The following LRP2 variants were observed in gnomAD, a reference collection of about 807,000 sequenced individuals.
LRP2 encodes the protein LDL receptor related protein 2.
A neutral mutation model predicts 531.0 loss-of-function variants in LRP2; 172 were observed. The observed-to-expected ratio is 0.32, with a 90% confidence interval of 0.29 to 0.37. The LOEUF (loss-of-function observed/expected upper bound fraction) is 0.37, where lower values mean the gene tolerates loss of function less well. LRP2 is among the 10% of genes least tolerant of loss of function. LRP2 has a pLI of 1.00. For missense variants in LRP2, 5,167 were observed against 5,868.3 expected, an observed-to-expected ratio of 0.88 and a Z score of 3.90; for synonymous variants, 1,992 against 2,027.6, an observed-to-expected ratio of 0.98 and a Z score of 0.47.
chr2:169,247,725 T>C (rs1458143692), intron 19 of LRP2, among the ~76,000 whole-genome samples: 1 of 152,210 alleles, frequency 6.6e-6, no homozygotes, highest in African/African-American at 2.4e-5. Context: ...ATATCAGGGT[T>C]CAGGTTCAGG....
intron 1 of LRP2, among the ~76,000 whole-genome samples, chr2:169,327,280 C>A (rs1474649857): frequency 1.8e-5 from 2 of 110,872 alleles, no homozygotes; most frequent in African/African-American, 6.5e-5. Context: ...GTCAGCCCCC[C>A]GCCCGGCCAG....
chr2:169,146,742 C>T lies in LRP2; in HGVS notation c.12808G>A (p.Glu4270Lys). 6.2e-7 allele frequency: 1 copy of T among 1,609,390 alleles called. No homozygotes were observed. Among genetic ancestry groups the T allele is most frequent in the Non-Finnish European group, 8.5e-7 (1 of 1,175,704 alleles). ...DGTDRRVIAK[E>K]AMNPYSLDIF... The stretch of plus-strand genomic sequence containing the variant: ...TACTTTCTAACTAATTTCTAACCTT[C>T]CTTTGCAATGACTCTCCTATCAGTC... Residue 4270 changes from glutamate to lysine, a missense_variant, in exon 69 of 79, where the codon GAA becomes AAA. Glu to Lys is a moderately conservative substitution (Grantham distance 56, BLOSUM62 1). Coordinates refer to ENST00000649046, the MANE Select transcript of LRP2 (RefSeq NM_004525.3).
chr2:169,302,644 T>C (rs560326652), intron 4 of LRP2, among the ~76,000 whole-genome samples: 30 of 152,100 alleles, frequency 2.0e-4, no homozygotes, highest in African/African-American at 6.7e-4. Flanking sequence ...TAGCTACTAA[T>C]TGCCAAGAAA....
Position 169,213,693 on chromosome 2 carries a change from G to A in LRP2, c.6004C>T (p.Pro2002Ser), listed in dbSNP as rs1335599351. 6 of 1,613,450 alleles carry A rather than the reference G, an allele frequency of 3.7e-6. No homozygotes were observed. The highest frequency in any genetic ancestry group is 5.1e-6 in the Non-Finnish European group (6 of 1,179,798). The change falls in exon 36 of 79, where the codon CCA becomes TCA. Residue 2002 changes from proline (P) to serine (S), a missense_variant. By Grantham distance (74) the Pro-to-Ser change is moderately conservative (BLOSUM62 -1). Coordinates refer to ENST00000649046, the MANE Select transcript of LRP2 (RefSeq NM_004525.3). Reference protein sequence around the residue: ...ANKIVLRDNVPNLRGLQVYHR... With the variant: ...ANKIVLRDNVSNLRGLQVYHR... ...TAAACTTGAAGACCCCTCAGATTTG[G>A]AACATTATCTCTCAAGACTATTTTG...
chr2:169,257,154 C>G lies in LRP2; in HGVS notation c.2609G>C (p.Gly870Ala). 2 of 1,612,920 alleles carry G rather than the reference C, an allele frequency of 1.2e-6. No homozygotes were observed. The highest frequency in any genetic ancestry group is 1.7e-6 in the Non-Finnish European group (2 of 1,179,200). The change falls in exon 18 of 79, where the codon GGA (glycine) becomes GCA (alanine). Residue 870 changes from glycine (G) to alanine (A), a missense_variant. By Grantham distance (60) the Gly-to-Ala change is moderately conservative. This residue lies in a region of LRP2 where 2,811 missense variants were observed against 3,058.0 expected (regional missense o/e 0.92). Transcript: ENST00000649046. ...ATCGATGGCCAAGCCATTGGGCCAT[C>G]CAAGAGTAGTGTTTATTACAGGCAA... ...HLLPVINTTL[G>A]WPNGLAIDWA...
Position 169,181,439 on chromosome 2 carries a change from T to C in LRP2, c.10169+9A>G, listed in dbSNP as rs1687426934. 6.2e-7 allele frequency: 1 copy of C among 1,613,198 alleles called. No homozygotes were observed. The stretch of plus-strand genomic sequence containing the variant: ...TACACAATTGTTTTATGCTTTTCTA[T>C]GTACGTACTCTATGTAACCCAGGTG... On this transcript the variant is annotated intron_variant, in intron 52 of 78. Coordinates refer to ENST00000649046, the MANE Select transcript of LRP2 (RefSeq NM_004525.3).
rs368093390 is a variant in LRP2, at chr2:169,279,707, AT to A, written c.1342-113del. ...GAAGTGCTAAAAATCTAAATTCTCA[AT>A]TTTCAGAAATTTCATGCAAGTTATC... On this transcript the variant is annotated intron_variant, in intron 11 of 78. Coordinates refer to ENST00000649046, the MANE Select transcript of LRP2 (RefSeq NM_004525.3). 2.6e-3 allele frequency: 1,747 copies of A among 663,818 alleles called. 24 individuals are homozygous for A. The African/African-American group carries it at 0.029, about 11-fold the overall frequency. The allele number at this position is 663,818 out of a possible 1,614,324, so 41.1% of individuals were successfully genotyped here. A position where few individuals can be genotyped will look rare whatever the true frequency, so the allele number is the denominator to read the frequency against.
intron 45 of LRP2, among the ~76,000 whole-genome samples, chr2:169,198,300 G>C (rs1688073366): frequency 6.6e-6 from 1 of 152,100 alleles, no homozygotes; most frequent in African/African-American, 2.4e-5. Context: ...CGTAATCCCA[G>C]CTACTCAGGA....
chr2:169,150,994 C>A lies in LRP2; in HGVS notation c.12494G>T (p.Arg4165Leu), dbSNP rs201763999. 3.6e-5 allele frequency: 58 copies of A among 1,614,004 alleles called. No individual in the cohort carries two copies. Among genetic ancestry groups the A allele is most frequent in the Admixed American group, 2.5e-4 (15 of 60,004 alleles). ...HIYWSDVKNKRIEVAKLDGRY... is the reference protein window; with the variant it reads ...HIYWSDVKNKLIEVAKLDGRY... ...TCCATCAAGTTTAGCCACCTCAATGCGTTTATTCTTGACATCTGACCAGTA... is the reference window on the plus strand; with the variant it reads ...TCCATCAAGTTTAGCCACCTCAATGAGTTTATTCTTGACATCTGACCAGTA... The change falls in exon 68 of 79, where the codon CGC becomes CTC. Residue 4165 changes from arginine (R) to leucine (L), a missense_variant. By Grantham distance (102) the Arg-to-Leu change is moderately radical (BLOSUM62 -2). Coordinates refer to ENST00000649046, the MANE Select transcript of LRP2 (RefSeq NM_004525.3).
intron 49 of LRP2, among the ~76,000 whole-genome samples, chr2:169,187,749 G>A (rs551397716): frequency 1.3e-5 from 2 of 152,310 alleles, no homozygotes; most frequent in South Asian, 4.1e-4. Context: ...CCCATCTTCT[G>A]TTCTCTCTAA....
chr2:169,205,268 G>T (rs1023864355), intron 41 of LRP2, among the ~76,000 whole-genome samples: 1 of 152,108 alleles, frequency 6.6e-6, no homozygotes, highest in African/African-American at 2.4e-5. Context: ...ATGTCTTTTA[G>T]TTCATAATTA....
chr2:169,245,012 T>A, intron 21 of LRP2, 80 bp from the exon 22 acceptor site: 1 of 1,512,084 alleles, frequency 6.6e-7, no homozygotes. Flanking sequence ...AAAGGCTCAG[T>A]TCACCTTTTT....
intron 53 of LRP2, 49 bp downstream of exon 53, chr2:169,177,754 T>G: frequency 6.9e-7 from 1 of 1,447,952 alleles, no homozygotes. Flanking sequence ...AATCATGACA[T>G]GCACATAACC....
Position 169,167,405 on chromosome 2 carries a change from T to C in LRP2, c.11635+1134A>G, listed in dbSNP as rs545506446. ...AGGGGATGGAAGATGCAACGTGAAC[T>C]TCCAACAGGAGTGCTTCTCCAGGTC... On this transcript the variant is annotated intron_variant, in intron 61 of 78. Coordinates refer to ENST00000649046, the MANE Select transcript of LRP2 (RefSeq NM_004525.3). 4.1e-4 allele frequency among the ~76,000 whole-genome samples: 63 copies of C among 152,276 alleles called. No individual in the cohort carries two copies. The South Asian group carries it at 0.01, about 25-fold the overall frequency.
intron 3 of LRP2, among the ~76,000 whole-genome samples, chr2:169,310,462 G>A (rs1255005712): frequency 3.9e-5 from 6 of 152,188 alleles, no homozygotes; most frequent in Admixed American, 3.3e-4. Flanking sequence ...AGATAATCAT[G>A]TGGTTTTTGT....
intron 1 of LRP2, among the ~76,000 whole-genome samples, chr2:169,350,039 T>A (rs766682801): frequency 2.0e-5 from 3 of 152,310 alleles, no homozygotes; most frequent in Admixed American, 6.5e-5. Flanking sequence ...GGCAGTCGGT[T>A]GAATCAGGGT....
Position 169,185,916 on chromosome 2 carries a change from C to T in LRP2, c.9432G>A (p.Met3144Ile), listed in dbSNP as rs566869929. 2.2e-5 allele frequency: 36 copies of T among 1,613,942 alleles called. No individual in the cohort carries two copies. The Admixed American group carries it at 4.8e-4, about 22-fold the overall frequency. ...YCSCRPGYKL[M>I]SDKRTCVDID... ...TATCAACACAAGTCCGCTTGTCAGA[C>T]ATGAGCTTGTAACCAGGACGACAGG... Residue 3144 changes from methionine to isoleucine, a missense_variant, in exon 50 of 79, where the codon ATG becomes ATA. This residue lies in a region of LRP2 where 1,129 missense variants were observed against 1,362.7 expected (regional missense o/e 0.83). Coordinates refer to ENST00000649046, the MANE Select transcript of LRP2 (RefSeq NM_004525.3).
intron 62 of LRP2, among the ~76,000 whole-genome samples, chr2:169,164,259 T>C (rs1207083190): frequency 6.6e-6 from 1 of 152,226 alleles, no homozygotes; most frequent in East Asian, 1.9e-4. Flanking sequence ...TGTTTATTAG[T>C]TTATGGGTCT....
chr2:169,303,485 C>T (rs1277155344), intron 4 of LRP2, among the ~76,000 whole-genome samples: 1 of 152,112 alleles, frequency 6.6e-6, no homozygotes. Context: ...TTCCCTTTCC[C>T]ACTTTCCACA....
Sources: gnomAD v4.1 joint callset for allele counts (sites outside exome capture counted in the v4.1 genomes callset) on GRCh38, gnomAD v4.1.1 for gene constraint, gnomAD v4.1.1 regional missense constraint, MANE v1.5 for transcripts, NCBI Gene and HGNC (gene_info 2026-07-23, HGNC 2026-07-21) for gene names.